PTPRN2: variants seen among roughly 807,000 people sequenced by gnomAD.
PTPRN2 encodes receptor-type tyrosine-protein phosphatase N2.
PTPRN2 carries 74 observed loss-of-function variants against 118.8 expected under a neutral mutation model. The ratio of observed to expected loss-of-function variants is 0.62; its 90% CI spans 0.52 to 0.76. The LOEUF (loss-of-function observed/expected upper bound fraction) is 0.76. Ranked by LOEUF, PTPRN2 falls within the 30% of genes least tolerant of loss-of-function variation. The pLI is 0.00. For synonymous variants in PTPRN2, 641 were observed against 608.0 expected (o/e 1.05, Z -0.80); for missense variants, 1,481 against 1,394.4 (o/e 1.06, Z -0.99).
intron 12 of PTPRN2, among the ~76,000 whole-genome samples, chr7:157,730,664 C>T (rs754234231): frequency 3.3e-5 from 5 of 152,198 alleles, no homozygotes; most frequent in Non-Finnish European, 7.3e-5. Flanking sequence ...GAATTGTACA[C>T]GGTATAGTTA....
Position 157,953,977 on chromosome 7 carries a change from G to A in PTPRN2, c.1724-55240C>T, listed in dbSNP as rs9654710. On this transcript the variant is annotated intron_variant, in intron 11 of 22. Coordinates refer to ENST00000389418, the MANE Select transcript of PTPRN2 (RefSeq NM_002847.5). This position sits in a 1 kb window ranked among gnomAD's most constrained non-coding sequence, Gnocchi z 4.6. Reference sequence around the variant, plus strand: ...TTCCACAGAACTCTCTGGAAAGGCCGTTCCAAGAGCTTCAGGTGTTCAGGT... The same window carrying A: ...TTCCACAGAACTCTCTGGAAAGGCCATTCCAAGAGCTTCAGGTGTTCAGGT... Among the ~76,000 whole-genome samples the A allele has an allele frequency of 0.6, 90,802 of 151,874 alleles. 27,434 individuals carry two copies. Among genetic ancestry groups the A allele is most frequent in the East Asian group, 0.83 (4,315 of 5,172 alleles).
intron 11 of PTPRN2, among the ~76,000 whole-genome samples, chr7:158,039,066 G>A (rs928930838): frequency 5.9e-5 from 9 of 152,142 alleles, no homozygotes; most frequent in African/African-American, 2.2e-4. Flanking sequence ...ATATTGTGGG[G>A]AAATAGAAAA....
intron 2 of PTPRN2, among the ~76,000 whole-genome samples, chr7:158,341,362 A>T (rs138000881): frequency 9.2e-6 from 1 of 108,134 alleles, no homozygotes; most frequent in Non-Finnish European, 2.0e-5. Flanking sequence ...GAGGTAACAC[A>T]TGCAGACGTC....
chr7:157,827,005 C>T (rs1807219233), intron 12 of PTPRN2, among the ~76,000 whole-genome samples: 1 of 152,120 alleles, frequency 6.6e-6, no homozygotes, highest in African/African-American at 2.4e-5. Context: ...CGACCGTGTC[C>T]CCAGCAGACA....
chr7:157,575,163 T>C (rs1799966280), intron 19 of PTPRN2, among the ~76,000 whole-genome samples: 1 of 152,246 alleles, frequency 6.6e-6, no homozygotes, highest in African/African-American at 2.4e-5. Flanking sequence ...GCAAACACAC[T>C]GGATGAACGC....
chr7:157,654,492 C>G (rs938421703), intron 14 of PTPRN2, among the ~76,000 whole-genome samples: 1 of 152,220 alleles, frequency 6.6e-6, no homozygotes, highest in African/African-American at 2.4e-5. Flanking sequence ...CAGCCGGACT[C>G]ATACTTGGCC....
rs191245823 is a variant in PTPRN2, at chr7:158,581,310, G to A, written c.112+6248C>T. Among the ~76,000 whole-genome samples, 8 of 152,226 alleles carry A rather than the reference G, an allele frequency of 5.3e-5. No individual in the cohort carries two copies. The East Asian group carries it at 1.5e-3, about 29-fold the overall frequency. On this transcript the variant is annotated intron_variant, in intron 1 of 22. Coordinates refer to ENST00000389418, the MANE Select transcript of PTPRN2 (RefSeq NM_002847.5). ...ATTGAAGATAGAAATACCTATGCGG[G>A]TTATTCTGGGGAATACATGTCAGTG...
At chr7:158,336,294 C>T (rs1303352074) in intron 2 of PTPRN2, among the ~76,000 whole-genome samples, 62 of 106,548 alleles carry the variant, frequency 5.8e-4, no homozygotes, top group South Asian at 2.8e-3. Context: ...CGCCCGCAGA[C>T]GTCACTCACA....
intron 2 of PTPRN2, among the ~76,000 whole-genome samples, chr7:158,431,022 G>A (rs1816132244): frequency 6.6e-6 from 1 of 152,214 alleles, no homozygotes; most frequent in Non-Finnish European, 1.5e-5. Context: ...GACCACCCAA[G>A]ACCCCAGAAC....
At position 158,102,726 on chromosome 7, in the gene PTPRN2, G is replaced by A. The variant is rs76909735; in HGVS notation, c.1643+8103C>T. ...GTTGTTCAAGGACTCATTGCATCAC[G>A]CTTGAATCACACTTGCACTTAAGAT... On this transcript the variant is annotated intron_variant, in intron 10 of 22. Coordinates refer to ENST00000389418, the MANE Select transcript of PTPRN2 (RefSeq NM_002847.5). Among the ~76,000 whole-genome samples, 776 of 152,162 alleles carry A rather than the reference G, an allele frequency of 5.1e-3. 25 individuals are homozygous for A. In the East Asian group the frequency reaches 0.098, roughly 19 times the overall value.
rs988844899 is a variant in PTPRN2 at position 157,674,487 on chromosome 7, G to C, written c.2001+8238C>G. Reference sequence around the variant, plus strand: ...ACACCCAGCTCCTGCATGCCGTGGCGGCTCCAGCCATCATTCCTCATCCCA... The same window carrying C: ...ACACCCAGCTCCTGCATGCCGTGGCCGCTCCAGCCATCATTCCTCATCCCA... On this transcript the variant is annotated intron_variant, in intron 13 of 22. Coordinates refer to ENST00000389418, the MANE Select transcript of PTPRN2 (RefSeq NM_002847.5). The surrounding 1 kb of genome is among the most constrained non-coding windows in gnomAD (Gnocchi z 4.5). Among the ~76,000 whole-genome samples the C allele has an allele frequency of 1.3e-5, 2 of 152,208 alleles. No homozygotes were observed. The highest frequency in any genetic ancestry group is 4.8e-5 in the African/African-American group (2 of 41,440).
At chr7:158,414,580 G>C (rs1048868355) in intron 2 of PTPRN2, among the ~76,000 whole-genome samples, 10 of 152,230 alleles carry the variant, frequency 6.6e-5, no homozygotes, top group South Asian at 6.2e-4. Flanking sequence ...TTCCCATTAG[G>C]AAGAAGCTGG....
intron 1 of PTPRN2, among the ~76,000 whole-genome samples, chr7:158,566,699 G>C (rs1184465644): frequency 1.3e-5 from 2 of 151,954 alleles, no homozygotes. Context: ...TTGTTAAAGT[G>C]GGGTTTTTTT....
At chr7:158,274,803 G>A (rs149247889) in intron 3 of PTPRN2, among the ~76,000 whole-genome samples, 1 of 152,302 alleles carries the variant, frequency 6.6e-6, no homozygotes, top group African/African-American at 2.4e-5. Context: ...GCTTTCTGGA[G>A]GAGAACGTGG....
chr7:158,371,698 G>T (rs901024823), intron 2 of PTPRN2, among the ~76,000 whole-genome samples: 4 of 152,096 alleles, frequency 2.6e-5, no homozygotes, highest in African/African-American at 9.7e-5. Flanking sequence ...AATGTTCTAA[G>T]GAAATGATTC....
chr7:158,040,331 A>G (rs921995198), intron 11 of PTPRN2, among the ~76,000 whole-genome samples: 1 of 152,124 alleles, frequency 6.6e-6, no homozygotes, highest in African/African-American at 2.4e-5. Flanking sequence ...AGATGCACAC[A>G]CACGGACACG....
intron 10 of PTPRN2, 122 bp from the exon 11 acceptor site, chr7:158,081,499 T>A: frequency 1.1e-6 from 1 of 884,696 alleles, no homozygotes. Context: ...CCGCTGTGGC[T>A]CCAGGCGTCG....
chr7:158,029,730 C>G (rs1807549201), intron 11 of PTPRN2: 1 of 151,110 alleles, frequency 6.6e-6, no homozygotes, highest in African/African-American at 2.4e-5. Context: ...ATGGCAAACA[C>G]AGCAACCAGA....
chr7:157,843,315 C>A (rs770141452), intron 12 of PTPRN2, among the ~76,000 whole-genome samples: 9 of 152,174 alleles, frequency 5.9e-5, no homozygotes, highest in Non-Finnish European at 1.3e-4. Flanking sequence ...TCTTCAAAAG[C>A]AAGCATTTGA....
Sources: gnomAD v4.1 joint callset for allele counts (sites outside exome capture counted in the v4.1 genomes callset) on GRCh38, gnomAD v4.1.1 for gene constraint, Gnocchi (gnomAD v3.1) non-coding constraint, MANE v1.5 for transcripts, NCBI Gene and HGNC (gene_info 2026-07-23, HGNC 2026-07-21) for gene names.